Variants in GOLGA4 observed in about 807,000 individuals in gnomAD.
GOLGA4 encodes golgin subfamily A member 4.
Under a neutral mutation model 265.9 loss-of-function variants are expected in GOLGA4, and 169 were observed. The ratio of observed to expected loss-of-function variants is 0.64; its 90% CI spans 0.56 to 0.72. The LOEUF is 0.72. Ranked by LOEUF, GOLGA4 falls within the 30% of genes least tolerant of loss-of-function variation. The probability of loss-of-function intolerance (pLI) is 0.00; values close to 1 mark genes in which losing one functional copy is unlikely to be tolerated. For missense variants in GOLGA4, 2,482 were observed against 2,483.4 expected, an observed-to-expected ratio of 1.00 and a Z score of 0.01; for synonymous variants, 923 against 855.8, an observed-to-expected ratio of 1.08 and a Z score of -1.37.
At chr3:37,362,950 T>C (rs1259263858) in intron 23 of GOLGA4, among the ~76,000 whole-genome samples, 2 of 151,616 alleles carry the variant, frequency 1.3e-5, no homozygotes, top group African/African-American at 4.8e-5. Flanking sequence ...GCCCAGCTAA[T>C]TTTTTGTATT....
chr3:37,312,948 A>G (rs925837591), intron 10 of GOLGA4, among the ~76,000 whole-genome samples: 1 of 152,194 alleles, frequency 6.6e-6, no homozygotes, highest in Admixed American at 6.5e-5. Flanking sequence ...CTTTTCATAT[A>G]AAAGATAATC....
At chr3:37,321,964 A>C (rs2096956231) in intron 13 of GOLGA4, 78 bp downstream of exon 13, 2 of 1,148,872 alleles carry the variant, frequency 1.7e-6, no homozygotes, top group African/African-American at 1.6e-5. Context: ...AGTCAGTATA[A>C]AGTTTCGAAG....
intron 3 of GOLGA4, 68 bp downstream of exon 3, chr3:37,282,340 T>C: frequency 8.9e-7 from 1 of 1,117,656 alleles, no homozygotes. Context: ...TATTACTGTA[T>C]TGCTTTACTC....
Position 37,326,991 on chromosome 3 carries a change from A to G in GOLGA4, c.5105A>G (p.Gln1702Arg). 1 of 1,613,916 alleles carries G rather than the reference A, an allele frequency of 6.2e-7. No individual in the cohort carries two copies. The highest frequency in any genetic ancestry group is 8.5e-7 in the Non-Finnish European group (1 of 1,179,816). The change falls in exon 14 of 24, where the codon CAG becomes CGG. Residue 1702 changes from glutamine to arginine, a missense_variant. By Grantham distance (43) the Gln-to-Arg change is conservative. Transcript: ENST00000361924. ...EEKLKSVESS[Q>R]SETLIVPRSA... Reference sequence around the variant, plus strand: ...AAACTTAAGTCAGTGGAAAGTTCACAGTCAGAAACATTAATTGTACCCAGA... The same window carrying G: ...AAACTTAAGTCAGTGGAAAGTTCACGGTCAGAAACATTAATTGTACCCAGA...
intron 5 of GOLGA4, among the ~76,000 whole-genome samples, chr3:37,294,541 C>T (rs1559392668): frequency 1.3e-5 from 2 of 151,998 alleles, no homozygotes; most frequent in Admixed American, 1.3e-4. Context: ...CCTGCCACCA[C>T]GCCTGGCTCA....
At chr3:37,245,102 A>G (rs1269177968) in intron 1 of GOLGA4, among the ~76,000 whole-genome samples, 1 of 152,262 alleles carries the variant, frequency 6.6e-6, no homozygotes, top group Non-Finnish European at 1.5e-5. Context: ...GTTAAAAACT[A>G]GCCAAAAATG....
chr3:37,313,679 T>C (rs1256609883), intron 10 of GOLGA4, among the ~76,000 whole-genome samples: 1 of 152,186 alleles, frequency 6.6e-6, no homozygotes, highest in Non-Finnish European at 1.5e-5. Context: ...AATGCATGTG[T>C]GTGTGTGCAT....
intron 1 of GOLGA4, among the ~76,000 whole-genome samples, chr3:37,248,330 G>A (rs375685506): frequency 6.6e-6 from 1 of 152,150 alleles, no homozygotes; most frequent in African/African-American, 2.4e-5. Flanking sequence ...TAATAATTAG[G>A]CAGTGGGCAA....
At chr3:37,263,294 A>C (rs182474276) in intron 2 of GOLGA4, among the ~76,000 whole-genome samples, 1 of 152,088 alleles carries the variant, frequency 6.6e-6, no homozygotes, top group Non-Finnish European at 1.5e-5. Flanking sequence ...TGCTTGTCCA[A>C]CCCAGCTTAT....
Position 37,366,132 on chromosome 3 carries a change from T to C in GOLGA4, c.*86T>C, listed in dbSNP as rs1172721047. The C allele has an allele frequency of 6.6e-7, 1 of 1,507,548 alleles. No individual in the cohort carries two copies. Among genetic ancestry groups the C allele is most frequent in the Non-Finnish European group, 8.9e-7 (1 of 1,126,392 alleles). The allele number at this position is 1,507,548 out of a possible 1,614,324, so 93.4% of individuals were successfully genotyped here. On this transcript the variant is annotated 3_prime_UTR_variant, in exon 24 of 24. Coordinates refer to ENST00000361924, the MANE Select transcript of GOLGA4 (RefSeq NM_002078.5). ...AGAGTGACATTGGGTGACTGCTGCT[T>C]GGAAAACTGTCCACACTTGCTACTC... is the stretch of plus-strand genomic sequence containing the variant.
At chr3:37,333,273 A>C (rs945139619) in intron 16 of GOLGA4, among the ~76,000 whole-genome samples, 1 of 152,176 alleles carries the variant, frequency 6.6e-6, no homozygotes, top group African/African-American at 2.4e-5. Flanking sequence ...TATTTTAGTG[A>C]TTTTGTTTTG....
At chr3:37,280,287 A>C (rs1029485849) in intron 2 of GOLGA4, among the ~76,000 whole-genome samples, 2 of 152,244 alleles carry the variant, frequency 1.3e-5, no homozygotes, top group Non-Finnish European at 2.9e-5. Flanking sequence ...AGAGTCAGGA[A>C]TGATGGTGGT....
chr3:37,345,878 C>T (rs1330058749), intron 20 of GOLGA4, among the ~76,000 whole-genome samples: 3 of 150,664 alleles, frequency 2.0e-5, no homozygotes, highest in Admixed American at 6.7e-5. Context: ...ACCTGGGAGG[C>T]GGGGGTTGCA....
At chr3:37,271,805 A>G (rs1031841835) in intron 2 of GOLGA4, among the ~76,000 whole-genome samples, 8 of 152,204 alleles carry the variant, frequency 5.3e-5, no homozygotes, top group African/African-American at 1.9e-4. Context: ...AGCAGGAGGT[A>G]AGAGGCAGGC....
At chr3:37,344,244 G>T (rs1257357213) in intron 20 of GOLGA4, among the ~76,000 whole-genome samples, 1 of 152,184 alleles carries the variant, frequency 6.6e-6, no homozygotes, top group Non-Finnish European at 1.5e-5. Flanking sequence ...TGGGATTACA[G>T]GCGCACACCA....
intron 5 of GOLGA4, among the ~76,000 whole-genome samples, chr3:37,291,647 C>T (rs1228589339): frequency 6.6e-6 from 1 of 152,112 alleles, no homozygotes. Flanking sequence ...GTTGACCTTT[C>T]AAAGAGGGTG....
At chr3:37,288,643 A>AT (rs896236860) in intron 4 of GOLGA4, among the ~76,000 whole-genome samples, 83 of 150,572 alleles carry the variant, frequency 5.5e-4, no homozygotes, top group African/African-American at 1.9e-3. Context: ...CGCCTGGCTG[A>AT]TTTTTTTTGT....
chr3:37,330,727 T>C (rs2096987232), intron 16 of GOLGA4, among the ~76,000 whole-genome samples: 1 of 152,074 alleles, frequency 6.6e-6, no homozygotes, highest in Non-Finnish European at 1.5e-5. Context: ...GCACTGCCAC[T>C]GGAAATATAA....
chr3:37,360,001 A>G (rs953437535), intron 22 of GOLGA4, among the ~76,000 whole-genome samples: 3 of 152,218 alleles, frequency 2.0e-5, no homozygotes, highest in Non-Finnish European at 4.4e-5. Context: ...CCAGAAACAT[A>G]GAAAGGGAGT....
Sources: gnomAD v4.1 joint callset for allele counts (sites outside exome capture counted in the v4.1 genomes callset) on GRCh38, gnomAD v4.1.1 for gene constraint, MANE v1.5 for transcripts, NCBI Gene and HGNC (gene_info 2026-07-23, HGNC 2026-07-21) for gene names.